Variants in SLC5A12 observed in about 807,000 individuals in gnomAD.
SLC5A12 encodes the protein sodium-coupled monocarboxylate transporter 2.
SLC5A12 carries 46 observed loss-of-function variants against 72.7 expected under a neutral mutation model. The observed-to-expected ratio is 0.63, with a 90% CI of 0.50 to 0.81. The LOEUF is 0.81. SLC5A12 is among the 30% of genes least tolerant of loss of function. SLC5A12 has a pLI of 0.00. For synonymous variants in SLC5A12, 275 were observed against 264.4 expected (o/e 1.04, Z -0.39); for missense variants, 683 against 740.7 (o/e 0.92, Z 0.90).
chr11:26,707,808 T>C (rs1323255979), intron 4 of SLC5A12, among the ~76,000 whole-genome samples: 2 of 152,076 alleles, frequency 1.3e-5, no homozygotes, highest in South Asian at 2.1e-4. Context: ...TATGATATTT[T>C]GTTAAAGTTA....
At chr11:26,684,258 A>G (rs188556777) in intron 10 of SLC5A12, among the ~76,000 whole-genome samples, 1 of 152,238 alleles carries the variant, frequency 6.6e-6, no homozygotes, top group Admixed American at 6.5e-5. Flanking sequence ...AATTTCAAAG[A>G]AGTCAATGCC....
intron 12 of SLC5A12, 141 bp downstream of exon 12, chr11:26,680,914 C>T: frequency 1.4e-6 from 1 of 732,910 alleles, no homozygotes; most frequent in Non-Finnish European, 2.0e-6. Flanking sequence ...GCGTGGCACT[C>T]TTCAGTGCTG....
intron 1 of SLC5A12, among the ~76,000 whole-genome samples, chr11:26,717,246 C>T (rs1461079128): frequency 2.6e-5 from 4 of 151,902 alleles, no homozygotes; most frequent in East Asian, 1.9e-4. Context: ...AATAGTAGCC[C>T]GGGCATTATC....
Position 26,681,129 on chromosome 11 carries a change from C to G in SLC5A12, c.1401G>C (p.Trp467Cys). The G allele has an allele frequency of 6.2e-7, 1 of 1,611,468 alleles. No individual in the cohort carries two copies. Among genetic ancestry groups the G allele is most frequent in the South Asian group, 1.1e-5 (1 of 90,642 alleles). Residue 467 changes from tryptophan (W) to cysteine (C), a missense_variant, in exon 12 of 15, where the codon TGG becomes TGC. Trp to Cys is a radical substitution (Grantham distance 215). Coordinates refer to ENST00000396005, the MANE Select transcript of SLC5A12 (RefSeq NM_178498.4). ...ATTGGTCTGTTGACAGAGGCAAAGGCCATGTCTTAGAGGCTGGTGCAGGGT... is the reference window on the plus strand; with the variant it reads ...ATTGGTCTGTTGACAGAGGCAAAGGGCATGTCTTAGAGGCTGGTGCAGGGT... Reference protein sequence around the residue: ...FIYPAPASKTWPLPLSTDQCI... With the variant: ...FIYPAPASKTCPLPLSTDQCI...
At chr11:26,713,278 C>T (rs1332237073) in intron 1 of SLC5A12, among the ~76,000 whole-genome samples, 6 of 152,098 alleles carry the variant, frequency 3.9e-5, no homozygotes, top group African/African-American at 7.2e-5. Context: ...GTCGGATCCA[C>T]GCCCTCCCTT....
chr11:26,709,234 G>A, intron 4 of SLC5A12, 78 bp downstream of exon 4: 2 of 1,015,040 alleles, frequency 2.0e-6, no homozygotes, highest in South Asian at 1.5e-5. Context: ...GCTATAATTA[G>A]ATGCCTATTG....
chr11:26,683,688 G>A (rs959466270), intron 11 of SLC5A12, 69 bp downstream of exon 11: 15 of 1,265,338 alleles, frequency 1.2e-5, no homozygotes, highest in Middle Eastern at 2.0e-4. Flanking sequence ...AAACAGGGCT[G>A]AGAGGAGAGA....
intron 13 of SLC5A12, 39 bp from the exon 14 acceptor site, chr11:26,673,568 C>T: frequency 2.0e-6 from 3 of 1,536,364 alleles, no homozygotes; most frequent in Non-Finnish European, 2.6e-6. Context: ...TGGTTGCAGG[C>T]CTCCATGTCT....
At chr11:26,703,696 A>G in intron 5 of SLC5A12, 25 bp from the exon 6 acceptor site, 2 of 1,613,692 alleles carry the variant, frequency 1.2e-6, no homozygotes, top group South Asian at 2.2e-5. Context: ...GAAATGAGTG[A>G]ACAAAGATAT....
chr11:26,693,612 T>C (rs1350270850), intron 8 of SLC5A12, among the ~76,000 whole-genome samples: 1 of 152,168 alleles, frequency 6.6e-6, no homozygotes, highest in Non-Finnish European at 1.5e-5. Flanking sequence ...ATATATTCAA[T>C]TCAAGTGATG....
rs1257761449 is a variant in SLC5A12 at position 26,669,209 on chromosome 11, T to TTCTCTCTTTCTTTCTTTCTTTCTC, written c.*1892_*1893insGAGAAAGAAAGAAAGAAAGAGAGA. ...TTCTTTTCTTTCTTTCTTTCTTTCT[T>TTCTCTCTTTCTTTCTTTCTTTCTC]TCTTTCTTTCTCTCTCTCCCTCCCT... On this transcript the variant is annotated 3_prime_UTR_variant, in exon 15 of 15. Transcript: ENST00000396005. 1 of 139,578 alleles carries TTCTCTCTTTCTTTCTTTCTTTCTC rather than the reference T, an allele frequency of 7.2e-6. No homozygotes were observed. Among genetic ancestry groups the TTCTCTCTTTCTTTCTTTCTTTCTC allele is most frequent in the South Asian group, 2.4e-4 (1 of 4,140 alleles). The allele number at this position is 139,578 out of a possible 1,614,324, so 8.6% of individuals were successfully genotyped here.
At chr11:26,702,858 C>T (rs914665553) in intron 6 of SLC5A12, among the ~76,000 whole-genome samples, 1 of 152,020 alleles carries the variant, frequency 6.6e-6, no homozygotes, top group Non-Finnish European at 1.5e-5. Flanking sequence ...ATGCCTATAT[C>T]AAAGAAAAAA....
chr11:26,675,541 T>C (rs1288688637), intron 13 of SLC5A12, among the ~76,000 whole-genome samples: 1 of 151,908 alleles, frequency 6.6e-6, no homozygotes, highest in Admixed American at 6.6e-5. Flanking sequence ...ACATACTAGG[T>C]GAGAAAAGAG....
intron 12 of SLC5A12, among the ~76,000 whole-genome samples, chr11:26,680,309 A>ATATATG: frequency 1.6e-5 from 2 of 123,308 alleles, no homozygotes; most frequent in East Asian, 4.1e-4. Context: ...ATATTCATAT[A>ATATATG]TATATATGTA....
intron 4 of SLC5A12, among the ~76,000 whole-genome samples, chr11:26,704,986 G>A (rs1855050294): frequency 6.6e-6 from 1 of 152,162 alleles, no homozygotes; most frequent in South Asian, 2.1e-4. Context: ...AGTTCCAGGA[G>A]GATGAATCTA....
intron 8 of SLC5A12, among the ~76,000 whole-genome samples, chr11:26,693,387 G>A (rs1854731447): frequency 6.6e-6 from 1 of 152,142 alleles, no homozygotes; most frequent in South Asian, 2.1e-4. Flanking sequence ...AGAGAAAGTA[G>A]CAAGAGGTAA....
At position 26,681,112 on chromosome 11, in the gene SLC5A12, G is replaced by T; in HGVS notation, c.1418C>A (p.Thr473Lys). The change falls in exon 12 of 15, where the codon ACA becomes AAA. Residue 473 changes from threonine to lysine, a missense_variant. Thr to Lys is a moderately conservative substitution (Grantham distance 78). Transcript: ENST00000396005. ...CACATTTGATTTGATACATTGGTCT[G>T]TTGACAGAGGCAAAGGCCATGTCTT... ...ASKTWPLPLS[T>K]DQCIKSNVTA... 1 of 1,611,574 alleles carries T rather than the reference G, an allele frequency of 6.2e-7. No homozygotes were observed. The highest frequency in any genetic ancestry group is 8.5e-7 in the Non-Finnish European group (1 of 1,178,768).
chr11:26,717,572 T>C (rs1855379646), intron 1 of SLC5A12, among the ~76,000 whole-genome samples: 1 of 152,202 alleles, frequency 6.6e-6, no homozygotes, highest in South Asian at 2.1e-4. Flanking sequence ...AGTGATAAAG[T>C]AGCACAGATG....
intron 8 of SLC5A12, among the ~76,000 whole-genome samples, chr11:26,696,646 A>G (rs1403714129): frequency 2.0e-5 from 3 of 152,238 alleles, no homozygotes; most frequent in Admixed American, 1.3e-4. Context: ...TAATACAATC[A>G]CAAAGCGTTT....
Sources: allele counts gnomAD v4.1 joint callset (sites outside exome capture counted in the v4.1 genomes callset), GRCh38; gene constraint gnomAD v4.1.1; transcripts MANE v1.5; gene names NCBI Gene and HGNC (gene_info 2026-07-23, HGNC 2026-07-21).